The following WDR64 variants were observed in gnomAD, a reference collection of about 807,000 sequenced individuals.
WDR64 encodes WD repeat-containing protein 64.
A neutral mutation model predicts 139.3 loss-of-function variants in WDR64; 112 were observed. That is an observed-to-expected ratio of 0.80 (90% CI 0.69 to 0.94). WDR64 has a LOEUF of 0.94. Among genes scored for constraint, WDR64 ranks in the 40% least tolerant of loss-of-function variants. The probability of loss-of-function intolerance (pLI) is 0.00; values close to 1 mark genes in which losing one functional copy is unlikely to be tolerated. For synonymous variants in WDR64, 444 were observed against 437.7 expected, an observed-to-expected ratio of 1.01 and a Z score of -0.18; for missense variants, 1,206 against 1,293.1, an observed-to-expected ratio of 0.93 and a Z score of 1.03.
chr1:241,728,570 T>G (rs1668946041), intron 10 of WDR64, among the ~76,000 whole-genome samples: 1 of 152,252 alleles, frequency 6.6e-6, no homozygotes, highest in Non-Finnish European at 1.5e-5. Flanking sequence ...TTCTTTCTCC[T>G]AATTTTGCAG....
At chr1:241,769,043 G>A (rs913124822) in intron 16 of WDR64, among the ~76,000 whole-genome samples, 2 of 152,172 alleles carry the variant, frequency 1.3e-5, no homozygotes, top group African/African-American at 4.8e-5. Flanking sequence ...GAGGCAGGAG[G>A]ATCGCTTGAG....
Position 241,787,881 on chromosome 1 carries a change from G to A in WDR64, c.2738G>A (p.Gly913Glu). 2 of 1,605,416 alleles carry A rather than the reference G, an allele frequency of 1.2e-6. No homozygotes were observed. Among genetic ancestry groups the A allele is most frequent in the Non-Finnish European group, 1.7e-6 (2 of 1,177,454 alleles). ...CATGCCCTCAATGGACATTATTGTG[G>A]ATATTTTGGACAGCGAAGGCTCTTT... is the stretch of plus-strand genomic sequence containing the variant. ...LWHALNGHYC[G>E]YFGQRRLFEL... The change falls in exon 24 of 28, where the codon GGA (glycine) becomes GAA (glutamate). Residue 913 changes from glycine to glutamate, a missense_variant. Gly to Glu is a moderately conservative substitution (Grantham distance 98). Transcript: ENST00000437684.
intron 13 of WDR64, among the ~76,000 whole-genome samples, chr1:241,746,669 G>T (rs1439173681): frequency 6.6e-6 from 1 of 151,830 alleles, no homozygotes; most frequent in East Asian, 1.9e-4. Flanking sequence ...AAAGAAACAA[G>T]CTAGTTATAT....
Position 241,761,386 on chromosome 1 carries a change from A to G in WDR64, c.1947+3927A>G, listed in dbSNP as rs144708399. ...TAGCCCCAAACTTACCCTTCTTGTT[A>G]AAATATAATTTGGTATACTTTAATT... is the stretch of plus-strand genomic sequence containing the variant. On this transcript the variant is annotated intron_variant, in intron 15 of 27. Coordinates refer to ENST00000437684, the MANE Select transcript of WDR64 (RefSeq NM_001367482.1). 2.0e-5 allele frequency among the ~76,000 whole-genome samples: 3 copies of G among 152,248 alleles called. No individual in the cohort carries two copies. In the East Asian group the frequency reaches 5.8e-4, roughly 29 times the overall value.
chr1:241,780,247 G>A (rs1206141291), intron 22 of WDR64, among the ~76,000 whole-genome samples, 185 bp downstream of exon 22: 1 of 152,202 alleles, frequency 6.6e-6, no homozygotes, highest in African/African-American at 2.4e-5. Context: ...CAAGAAGTAA[G>A]TGAGGGAGAG....
intron 13 of WDR64, among the ~76,000 whole-genome samples, chr1:241,746,031 A>G (rs1030399963): frequency 6.6e-6 from 1 of 152,152 alleles, no homozygotes; most frequent in African/African-American, 2.4e-5. Flanking sequence ...GTTTTCCTAT[A>G]ATGCCACAGA....
intron 15 of WDR64, among the ~76,000 whole-genome samples, chr1:241,766,011 A>G (rs1240932166): frequency 6.6e-6 from 1 of 152,196 alleles, no homozygotes; most frequent in African/African-American, 2.4e-5. Context: ...GGAAGAGTAT[A>G]TATTTGTTGA....
intron 9 of WDR64, among the ~76,000 whole-genome samples, chr1:241,718,019 A>T (rs1482052789): frequency 6.6e-6 from 1 of 152,204 alleles, no homozygotes; most frequent in Non-Finnish European, 1.5e-5. Flanking sequence ...AGATGCAGAG[A>T]GGCAAAGCAA....
intron 24 of WDR64, 106 bp from the exon 25 acceptor site, chr1:241,790,485 G>A (rs972746255): frequency 2.2e-6 from 2 of 912,976 alleles, no homozygotes; most frequent in African/African-American, 3.3e-5. Context: ...TGATGCCATA[G>A]GAACCAAGAA....
Position 241,766,237 on chromosome 1 carries a change from T to C in WDR64, c.1967T>C (p.Leu656Ser). 6.2e-7 allele frequency: 1 copy of C among 1,614,038 alleles called. No homozygotes were observed. The highest frequency in any genetic ancestry group is 8.5e-7 in the Non-Finnish European group (1 of 1,179,940). Residue 656 changes from leucine to serine, a missense_variant, in exon 16 of 28, where the codon TTA becomes TCA. Leu to Ser is a moderately radical substitution (Grantham distance 145, BLOSUM62 -2). Transcript: ENST00000437684. ...QPTDNPTMDL[L>S]RVNCIDLLQV... ...CTTCAGAATCCCACCATGGATTTAT[T>C]ACGAGTGAACTGCATTGATTTACTA... is the stretch of plus-strand genomic sequence containing the variant.
At chr1:241,684,304 T>C (rs145807650) in intron 7 of WDR64, among the ~76,000 whole-genome samples, 2 of 152,298 alleles carry the variant, frequency 1.3e-5, no homozygotes, top group African/African-American at 4.8e-5. Flanking sequence ...GTCATGAACA[T>C]GTAATTCACA....
At chr1:241,698,125 T>C (rs1336543534) in intron 8 of WDR64, among the ~76,000 whole-genome samples, 1 of 152,206 alleles carries the variant, frequency 6.6e-6, no homozygotes, top group African/African-American at 2.4e-5. Context: ...GGATATCTCA[T>C]AGTCCCTCAG....
Position 241,744,422 on chromosome 1 carries a change from A to T in WDR64, c.1500A>T (p.Val500=). The change falls in exon 13 of 28, where the codon GTA becomes GTT. Residue 500 remains valine, a synonymous_variant. Transcript: ENST00000437684. ...GGGAACTCGAGACTGGGCTCCAAGTATACCAGATTTTAGAACCTCATGGTT... is the reference window on the plus strand; with the variant it reads ...GGGAACTCGAGACTGGGCTCCAAGTTTACCAGATTTTAGAACCTCATGGTT... ...RVWELETGLQ[V]YQILEPHGFN... 1 of 1,614,136 alleles carries T rather than the reference A, an allele frequency of 6.2e-7. No individual in the cohort carries two copies. Among genetic ancestry groups the T allele is most frequent in the Non-Finnish European group, 8.5e-7 (1 of 1,180,010 alleles).
intron 8 of WDR64, among the ~76,000 whole-genome samples, chr1:241,696,917 C>T (rs1009640478): frequency 6.6e-6 from 1 of 152,126 alleles, no homozygotes; most frequent in Non-Finnish European, 1.5e-5. Context: ...TTACCCAGCC[C>T]CTATTCAAGA....
At chr1:241,742,524 C>A (rs904728899) in intron 12 of WDR64, among the ~76,000 whole-genome samples, 4 of 152,312 alleles carry the variant, frequency 2.6e-5, no homozygotes, top group African/African-American at 4.8e-5. Context: ...CCCACCAGCA[C>A]CATGACAGTT....
intron 15 of WDR64, among the ~76,000 whole-genome samples, chr1:241,765,561 T>G (rs540239268): frequency 6.6e-6 from 1 of 152,340 alleles, no homozygotes; most frequent in African/African-American, 2.4e-5. Flanking sequence ...GGAGAGCAAC[T>G]GAGAGTGGTA....
chr1:241,735,849 CTCTCTCTGTGTGTG>C (rs1221671067), intron 10 of WDR64, among the ~76,000 whole-genome samples: 4 of 89,450 alleles, frequency 4.5e-5, no homozygotes, highest in African/African-American at 1.5e-4. Context: ...CTCTCTCTCT[CTCTCTCTGTGTGTG>C]TGTGTGTGTG....
At chr1:241,772,076 TA>T in intron 19 of WDR64, among the ~76,000 whole-genome samples, 1 of 147,680 alleles carries the variant, frequency 6.8e-6, no homozygotes, top group East Asian at 2.0e-4. Flanking sequence ...TCTTAAATAC[TA>T]ATTCTAGGTT....
At position 241,687,571 on chromosome 1, in the gene WDR64, C is replaced by G; in HGVS notation, c.950C>G (p.Ser317Cys). Residue 317 changes from serine to cysteine, a missense_variant, in exon 8 of 28, where the codon TCC becomes TGC. Transcript: ENST00000437684. ...AGTAATCATTCATTAGTTTTGGAATCCTTGAAGAGACTCGAGGATAATTTG... is the reference window on the plus strand; with the variant it reads ...AGTAATCATTCATTAGTTTTGGAATGCTTGAAGAGACTCGAGGATAATTTG... ...LDSNHSLVLESLKRLEDNLPV... is the reference protein window; with the variant it reads ...LDSNHSLVLECLKRLEDNLPV... The G allele has an allele frequency of 6.2e-7, 1 of 1,613,320 alleles. No homozygotes were observed. Among genetic ancestry groups the G allele is most frequent in the Non-Finnish European group, 8.5e-7 (1 of 1,179,584 alleles).
Sources: gnomAD v4.1 joint callset for allele counts (sites outside exome capture counted in the v4.1 genomes callset) on GRCh38, gnomAD v4.1.1 for gene constraint, MANE v1.5 for transcripts, NCBI Gene and HGNC (gene_info 2026-07-23, HGNC 2026-07-21) for gene names.